DPY19L1: variants seen among roughly 807,000 people sequenced by gnomAD.
DPY19L1 encodes the protein protein C-mannosyl-transferase DPY19L1.
Under a neutral mutation model 96.9 loss-of-function variants are expected in DPY19L1, and 35 were observed. The observed-to-expected ratio is 0.36, with a 90% confidence interval of 0.28 to 0.48. DPY19L1 has a LOEUF of 0.48. DPY19L1 is among the 20% of genes least tolerant of loss of function. The pLI is 0.99. For missense variants in DPY19L1, 521 were observed against 777.9 expected (o/e 0.67, Z 3.93); for synonymous variants, 205 against 252.6 (o/e 0.81, Z 1.79).
chr7:34,968,795 A>AAG lies in DPY19L1; in HGVS notation c.1014+637_1014+638insCT, dbSNP rs1784663991. On this transcript the variant is annotated intron_variant, in intron 9 of 21. Transcript: ENST00000638088. Reference sequence around the variant, plus strand: ...AAAAAAAAAAAAAAAAAAAAAAAAAAGCAACTCTTCAACTGCTTTATACAA... The same window carrying AAG: ...AAAAAAAAAAAAAAAAAAAAAAAAAAAGGCAACTCTTCAACTGCTTTATACAA... Among the ~76,000 whole-genome samples the AAG allele has an allele frequency of 1.3e-4, 19 of 145,410 alleles. 1 individual carries two copies. The highest frequency in any genetic ancestry group is 4.4e-4 in the African/African-American group (17 of 38,280).
intron 16 of DPY19L1, 74 bp downstream of exon 16, chr7:34,945,593 A>G (rs561925362): frequency 3.8e-6 from 4 of 1,044,410 alleles, no homozygotes; most frequent in Admixed American, 4.5e-5. Flanking sequence ...ATGTAAGTAT[A>G]CAATTAATAC....
intron 7 of DPY19L1, among the ~76,000 whole-genome samples, chr7:34,981,028 G>A (rs1183652039): frequency 6.6e-6 from 1 of 152,192 alleles, no homozygotes; most frequent in African/African-American, 2.4e-5. Flanking sequence ...GATACAGATT[G>A]GACAGGAACA....
At chr7:34,957,010 C>A (rs1784392609) in intron 11 of DPY19L1, among the ~76,000 whole-genome samples, 1 of 152,138 alleles carries the variant, frequency 6.6e-6, no homozygotes, top group Non-Finnish European at 1.5e-5. Flanking sequence ...TAAGGAATAA[C>A]AAGTCTGCAA....
At chr7:34,932,379 C>A (rs1783771669) in intron 21 of DPY19L1, among the ~76,000 whole-genome samples, 2 of 152,132 alleles carry the variant, frequency 1.3e-5, no homozygotes, top group African/African-American at 4.8e-5. Context: ...TACAGTTGGA[C>A]AAAATCATCA....
chr7:34,947,725 T>C (rs183857775), intron 14 of DPY19L1, 24 bp from the exon 15 acceptor site: 3 of 1,579,208 alleles, frequency 1.9e-6, no homozygotes, highest in East Asian at 4.5e-5. Context: ...AGATGTTTTG[T>C]TAGAAGGAAA....
At chr7:34,994,143 G>A (rs1185902844) in intron 6 of DPY19L1, among the ~76,000 whole-genome samples, 2 of 152,114 alleles carry the variant, frequency 1.3e-5, no homozygotes, top group African/African-American at 4.8e-5. Flanking sequence ...AAGAGAACAT[G>A]ATAAAATCTG....
intron 6 of DPY19L1, among the ~76,000 whole-genome samples, chr7:34,998,491 A>T (rs1255880623): frequency 1.3e-5 from 2 of 152,224 alleles, no homozygotes; most frequent in African/African-American, 4.8e-5. Context: ...CTCAGCCCTC[A>T]TGCATAAGTG....
intron 3 of DPY19L1, 35 bp downstream of exon 3, chr7:35,017,847 A>G (rs756365419): frequency 6.9e-7 from 1 of 1,448,578 alleles, no homozygotes; most frequent in Non-Finnish European, 9.5e-7. Context: ...TTAAATTCCT[A>G]AAGTACTATG....
At chr7:34,994,527 G>A (rs559645622) in intron 6 of DPY19L1, among the ~76,000 whole-genome samples, 32 of 152,196 alleles carry the variant, frequency 2.1e-4, no homozygotes, top group African/African-American at 6.3e-4. Flanking sequence ...ATTCCCTGGC[G>A]GGGCGCGGTG....
At chr7:34,954,348 G>A (rs1006230935) in intron 13 of DPY19L1, among the ~76,000 whole-genome samples, 8 of 151,944 alleles carry the variant, frequency 5.3e-5, no homozygotes, top group Admixed American at 1.3e-4. Flanking sequence ...ACTATAATAC[G>A]ATCTCCAATT....
intron 6 of DPY19L1, among the ~76,000 whole-genome samples, chr7:34,996,579 C>T (rs992300465): frequency 1.8e-4 from 28 of 152,094 alleles, no homozygotes; most frequent in Non-Finnish European, 3.8e-4. Context: ...CTCCCATCGT[C>T]TTCCCCTGGG....
chr7:34,996,980 A>G, intron 6 of DPY19L1, among the ~76,000 whole-genome samples: 2 of 152,106 alleles, frequency 1.3e-5, no homozygotes, highest in Non-Finnish European at 2.9e-5. Flanking sequence ...AAGTGGAAGG[A>G]CGCCAGAGAT....
Position 35,023,377 on chromosome 7 carries a change from G to A in DPY19L1, c.299-4781C>T, listed in dbSNP as rs193225584. ...TTTCTCTTTCTCCTCCCCAAGGTGC[G>A]AGGGCGCCATGAGGCCAGGGTGGGC... is the stretch of plus-strand genomic sequence containing the variant. On this transcript the variant is annotated intron_variant, in intron 1 of 21. Transcript: ENST00000638088. Among the ~76,000 whole-genome samples, 2 of 152,170 alleles carry A rather than the reference G, an allele frequency of 1.3e-5. 1 individual carries two copies. The highest frequency in any genetic ancestry group is 1.3e-4 in the Admixed American group (2 of 15,274).
At chr7:35,024,231 G>A (rs1218393492) in intron 1 of DPY19L1, among the ~76,000 whole-genome samples, 1 of 152,134 alleles carries the variant, frequency 6.6e-6, no homozygotes, top group Non-Finnish European at 1.5e-5. Context: ...AGGTTCATCT[G>A]TACCTAAAGC....
intron 10 of DPY19L1, among the ~76,000 whole-genome samples, chr7:34,965,344 T>A (rs1337724802): frequency 6.6e-6 from 1 of 152,204 alleles, no homozygotes; most frequent in Admixed American, 6.5e-5. Flanking sequence ...TACATGTAAG[T>A]AGCAGAAATC....
intron 10 of DPY19L1, among the ~76,000 whole-genome samples, chr7:34,958,359 A>G (rs949281750): frequency 6.6e-6 from 1 of 152,214 alleles, no homozygotes; most frequent in African/African-American, 2.4e-5. Context: ...TTTTATTCGT[A>G]ATATGTTTCA....
At chr7:34,997,609 C>CAAAAAA (rs3048611) in intron 6 of DPY19L1, among the ~76,000 whole-genome samples, 24 of 75,634 alleles carry the variant, frequency 3.2e-4, no homozygotes, top group South Asian at 5.3e-4. Context: ...GACTCCGTCT[C>CAAAAAA]AAAAAAAAAA....
At chr7:35,028,417 C>A (rs561728201) in intron 1 of DPY19L1, among the ~76,000 whole-genome samples, 1 of 152,166 alleles carries the variant, frequency 6.6e-6, no homozygotes, top group Non-Finnish European at 1.5e-5. Context: ...GAGAAATACA[C>A]TAAGTAAATG....
At chr7:34,933,236 C>T (rs1448938304) in intron 21 of DPY19L1, among the ~76,000 whole-genome samples, 2 of 152,162 alleles carry the variant, frequency 1.3e-5, no homozygotes, top group South Asian at 4.1e-4. Flanking sequence ...TTTTGGTGCA[C>T]CCACCACCAG....
Sources: allele counts gnomAD v4.1 joint callset (sites outside exome capture counted in the v4.1 genomes callset), GRCh38; gene constraint gnomAD v4.1.1; transcripts MANE v1.5; gene names NCBI Gene and HGNC (gene_info 2026-07-23, HGNC 2026-07-21).